The following ESRRG variants were observed in gnomAD, a reference collection of about 807,000 sequenced individuals.
The protein encoded by ESRRG is estrogen-related receptor gamma.
A neutral mutation model predicts 44.0 loss-of-function variants in ESRRG; 13 were observed. The observed-to-expected ratio is 0.30, with a 90% CI of 0.19 to 0.47. ESRRG has a LOEUF of 0.47. ESRRG is among the 20% of genes least tolerant of loss of function. ESRRG has a pLI of 1.00. For synonymous variants in ESRRG, 215 were observed against 214.6 expected (o/e 1.00, Z -0.02); for missense variants, 395 against 580.6 (o/e 0.68, Z 3.29).
intron 2 of ESRRG, among the ~76,000 whole-genome samples, chr1:216,817,681 A>T (rs968377697): frequency 1.4e-4 from 21 of 152,230 alleles, no homozygotes; most frequent in Non-Finnish European, 2.5e-4. Context: ...TATATTCATC[A>T]TCCTGAAATA....
rs186519366 is a variant in ESRRG, at chr1:216,689,166, T to C, written c.57-11675A>G. Among the ~76,000 whole-genome samples, 6 of 152,306 alleles carry C rather than the reference T, an allele frequency of 3.9e-5. 1 individual carries two copies. The East Asian group carries it at 1.2e-3, about 29-fold the overall frequency. On this transcript the variant is annotated intron_variant, in intron 1 of 6. Coordinates refer to ENST00000408911, the MANE Select transcript of ESRRG (RefSeq NM_001438.4). Reference sequence around the variant, plus strand: ...TGCTCAGTAAAGATTTAGTGTTAAATGTATTTTATTGCTTTCCAAGTCTGT... The same window carrying C: ...TGCTCAGTAAAGATTTAGTGTTAAACGTATTTTATTGCTTTCCAAGTCTGT...
At chr1:217,065,956 C>A (rs11581593) in intron 1 of ESRRG, among the ~76,000 whole-genome samples, 9,254 of 152,164 alleles carry the variant, frequency 0.061, 376 homozygotes, top group African/African-American at 0.1. Flanking sequence ...CTATCAGGAG[C>A]TCACCATATT....
At chr1:216,927,010 G>A (rs1578236832) in intron 2 of ESRRG, among the ~76,000 whole-genome samples, 2 of 152,168 alleles carry the variant, frequency 1.3e-5, no homozygotes, top group South Asian at 4.1e-4. Context: ...TTAGTGTCTA[G>A]AGAGAAATTC....
intron 4 of ESRRG, among the ~76,000 whole-genome samples, chr1:216,567,375 C>T (rs2059866259): frequency 6.6e-6 from 1 of 152,160 alleles, no homozygotes; most frequent in Non-Finnish European, 1.5e-5. Context: ...AACTTGGCTC[C>T]ATAAAACCAT....
At chr1:217,061,067 T>C (rs2088358254) in intron 1 of ESRRG, among the ~76,000 whole-genome samples, 1 of 151,944 alleles carries the variant, frequency 6.6e-6, no homozygotes, top group South Asian at 2.1e-4. Flanking sequence ...TGTGCTTTTT[T>C]CCCCCCAAAA....
At chr1:217,011,456 G>A (rs2078601194) in intron 1 of ESRRG, among the ~76,000 whole-genome samples, 1 of 152,186 alleles carries the variant, frequency 6.6e-6, no homozygotes, top group Non-Finnish European at 1.5e-5. Flanking sequence ...GGCTCTGGAG[G>A]GAACAGAGGC....
At chr1:217,019,850 A>G (rs1467285977) in intron 1 of ESRRG, among the ~76,000 whole-genome samples, 1 of 152,166 alleles carries the variant, frequency 6.6e-6, no homozygotes, top group Non-Finnish European at 1.5e-5. Context: ...AAAACTAAAA[A>G]TTTTCACTTA....
At chr1:216,913,587 G>A (rs182901287) in intron 2 of ESRRG, among the ~76,000 whole-genome samples, 60 of 152,322 alleles carry the variant, frequency 3.9e-4, no homozygotes, top group South Asian at 3.3e-3. Flanking sequence ...GGGTCCAAGC[G>A]TGAGCGCTGC....
intron 1 of ESRRG, among the ~76,000 whole-genome samples, chr1:216,943,816 G>A (rs970462898): frequency 6.6e-6 from 1 of 152,084 alleles, no homozygotes; most frequent in Admixed American, 6.6e-5. Flanking sequence ...TATTCATGGG[G>A]GTTTGATTAT....
chr1:216,936,717 A>AT (rs1357060314), intron 2 of ESRRG: 1 of 151,898 alleles, frequency 6.6e-6, no homozygotes, highest in Non-Finnish European at 1.5e-5. Context: ...AAAAAAAAAA[A>AT]GAAGAAGGAG....
upstream of ESRRG, among the ~76,000 whole-genome samples, chr1:216,725,881 T>C (rs548183865): frequency 4.7e-4 from 72 of 152,318 alleles, no homozygotes; most frequent in African/African-American, 1.6e-3. Flanking sequence ...AGAACCTCTT[T>C]ATTACTCCTT....
intron 2 of ESRRG, among the ~76,000 whole-genome samples, chr1:216,936,069 T>C (rs571626389): frequency 1.2e-4 from 18 of 152,122 alleles, no homozygotes; most frequent in African/African-American, 3.9e-4. Context: ...CAGAACCCAT[T>C]TGGGAGCCCT....
At chr1:217,083,696 T>C (rs77509006) in intron 1 of ESRRG, among the ~76,000 whole-genome samples, 39 of 152,336 alleles carry the variant, frequency 2.6e-4, no homozygotes, top group East Asian at 2.1e-3. Context: ...TCATCAGGTA[T>C]TATATCCCAA....
intron 2 of ESRRG, among the ~76,000 whole-genome samples, chr1:216,769,344 T>C (rs1402292480): frequency 6.6e-6 from 1 of 152,100 alleles, no homozygotes; most frequent in Non-Finnish European, 1.5e-5. Context: ...TTTCACAAGG[T>C]ATTCCAGGTA....
chr1:217,000,240 A>C (rs2150632983), intron 1 of ESRRG: 1 of 152,316 alleles, frequency 6.6e-6, no homozygotes, highest in East Asian at 1.9e-4. Flanking sequence ...TAAAAAACAG[A>C]AATTTGTCTC....
At chr1:216,827,883 T>C (rs767090935) in intron 2 of ESRRG, among the ~76,000 whole-genome samples, 14 of 152,146 alleles carry the variant, frequency 9.2e-5, no homozygotes, top group South Asian at 2.1e-4. Context: ...AAAGACTTAA[T>C]GTATAAGGTA....
intron 1 of ESRRG, among the ~76,000 whole-genome samples, chr1:217,019,083 G>T (rs866148797): frequency 2.6e-5 from 4 of 152,156 alleles, no homozygotes; most frequent in African/African-American, 9.7e-5. Context: ...TTGGAGAAAA[G>T]TTCAGATGTC....
chr1:217,076,804 G>T (rs1385541246), intron 1 of ESRRG: 1 of 152,126 alleles, frequency 6.6e-6, no homozygotes, highest in Admixed American at 6.6e-5. Context: ...CATAAAGGAA[G>T]CCCTGAAATA....
intron 2 of ESRRG, among the ~76,000 whole-genome samples, chr1:216,775,305 A>T (rs2152410801): frequency 6.6e-6 from 1 of 151,956 alleles, no homozygotes; most frequent in East Asian, 1.9e-4. Context: ...ATAGGAATTC[A>T]CTCATTTCGT....
Sources: allele counts gnomAD v4.1 joint callset (sites outside exome capture counted in the v4.1 genomes callset), GRCh38; gene constraint gnomAD v4.1.1; transcripts MANE v1.5; gene names NCBI Gene and HGNC (gene_info 2026-07-23, HGNC 2026-07-21).